TRIOBP: variants seen among roughly 807,000 people sequenced by gnomAD.
TRIOBP encodes the protein TRIO and F-actin binding protein.
In TRIOBP, 169 loss-of-function variants were observed where a neutral mutation model predicts 238.8. The ratio of observed to expected loss-of-function variants is 0.71; its 90% CI spans 0.62 to 0.80. TRIOBP has a LOEUF of 0.80. Among genes scored for constraint, TRIOBP ranks in the 30% least tolerant of loss-of-function variants. The probability of loss-of-function intolerance (pLI) is 0.00; values close to 1 mark genes in which losing one functional copy is unlikely to be tolerated. For missense variants in TRIOBP, 2,838 were observed against 3,122.6 expected, an observed-to-expected ratio of 0.91 and a Z score of 2.17; for synonymous variants, 1,150 against 1,274.4, an observed-to-expected ratio of 0.90 and a Z score of 2.08.
intron 6 of TRIOBP, among the ~76,000 whole-genome samples, chr22:37,722,040 G>T (rs554578245): frequency 1.9e-4 from 29 of 152,254 alleles, no homozygotes; most frequent in African/African-American, 7.0e-4. Flanking sequence ...AGACAGTTTT[G>T]TTAAATGCAG....
In TRIOBP at chr22:37,749,460, G is replaced by T. The variant is rs146619711; in HGVS notation, c.5323-2312G>T. Among the ~76,000 whole-genome samples, 510 of 152,214 alleles carry T rather than the reference G, an allele frequency of 3.4e-3. 1 individual carries two copies. Among genetic ancestry groups the T allele is most frequent in the Middle Eastern group, 6.8e-3 (2 of 294 alleles). On this transcript the variant is annotated intron_variant, in intron 11 of 23. Coordinates refer to ENST00000644935, the MANE Select transcript of TRIOBP (RefSeq NM_001039141.3). ...GCCCGAGGGTGTGTAGAGGGGTTGT[G>T]TGCCTGGCCAGGTAGGAGGCGGGGC... is the stretch of plus-strand genomic sequence containing the variant.
chr22:37,740,599 G>A (rs1924885418), intron 10 of TRIOBP, among the ~76,000 whole-genome samples: 1 of 152,240 alleles, frequency 6.6e-6, no homozygotes, highest in South Asian at 2.1e-4. Context: ...AAAACACTAT[G>A]TGGGCAGAAA....
At chr22:37,723,151 C>T (rs1415803678) in intron 6 of TRIOBP, 34 bp from the exon 7 acceptor site, 1 of 1,610,526 alleles carries the variant, frequency 6.2e-7, no homozygotes, top group African/African-American at 1.3e-5. Context: ...CTGGACCTCT[C>T]CCCTTACCTT....
At chr22:37,726,596 A>C in intron 7 of TRIOBP, 93 bp downstream of exon 7, 1 of 1,280,236 alleles carries the variant, frequency 7.8e-7, no homozygotes, top group Non-Finnish European at 1.0e-6. Context: ...AAAGTGTTCA[A>C]ATCCCCCTGG....
Position 37,754,858 on chromosome 22 carries a change from C to T in TRIOBP, c.5380-19C>T. 2 of 1,612,234 alleles carry T rather than the reference C, an allele frequency of 1.2e-6. No individual in the cohort carries two copies. Among genetic ancestry groups the T allele is most frequent in the Non-Finnish European group, 1.7e-6 (2 of 1,178,354 alleles). ...GTACAATCACACACACTGGCTCTTT[C>T]ATTCCATCCTCCTTGCAGCCTCCCT... On this transcript the variant is annotated intron_variant, in intron 12 of 23. Coordinates refer to ENST00000644935, the MANE Select transcript of TRIOBP (RefSeq NM_001039141.3).
chr22:37,760,266 T>C (rs1926177898), intron 17 of TRIOBP: 1 of 152,296 alleles, frequency 6.6e-6, no homozygotes, highest in African/African-American at 2.4e-5. Context: ...AAGTTTAATC[T>C]GCATTATTAG....
At chr22:37,726,880 A>C (rs1924196268) in intron 7 of TRIOBP, among the ~76,000 whole-genome samples, 2 of 151,932 alleles carry the variant, frequency 1.3e-5, no homozygotes, top group South Asian at 4.1e-4. Flanking sequence ...CATTCAAATA[A>C]GGGTGAACTG....
intron 6 of TRIOBP, among the ~76,000 whole-genome samples, chr22:37,722,823 G>T (rs939106544): frequency 1.3e-5 from 2 of 152,194 alleles, no homozygotes; most frequent in Non-Finnish European, 2.9e-5. Flanking sequence ...CTGCTGTTGG[G>T]CCCACCTCTC....
At chr22:37,711,589 A>G (rs1438326676) in intron 4 of TRIOBP, among the ~76,000 whole-genome samples, 1 of 50,002 alleles carries the variant, frequency 2.0e-5, no homozygotes, top group Non-Finnish European at 6.5e-5. Flanking sequence ...AAAAAAAAAA[A>G]AAACAACAAA....
At chr22:37,708,421 G>A (rs1601619687) in intron 3 of TRIOBP, among the ~76,000 whole-genome samples, 2 of 152,202 alleles carry the variant, frequency 1.3e-5, no homozygotes, top group South Asian at 4.2e-4. Flanking sequence ...CATGGTGTCG[G>A]GCACCTGTAA....
chr22:37,758,796 G>A (rs1926087372), intron 16 of TRIOBP, among the ~76,000 whole-genome samples: 1 of 152,308 alleles, frequency 6.6e-6, no homozygotes, highest in Non-Finnish European at 1.5e-5. Flanking sequence ...TACCCCTAGG[G>A]TGGACTTCAG....
At position 37,700,452 on chromosome 22, in the gene TRIOBP, T is replaced by C. The variant is rs78844442; in HGVS notation, c.-60-854T>C. 3.0e-4 allele frequency among the ~76,000 whole-genome samples: 44 copies of C among 146,530 alleles called. No individual in the cohort carries two copies. The East Asian group carries it at 7.2e-3, about 24-fold the overall frequency. ...ACCATCTTACCCAGCTGAAATCTGC[T>C]TTTTTTTTTTCTCAGTGCAGTGGCA... On this transcript the variant is annotated intron_variant, in intron 2 of 23. Coordinates refer to ENST00000644935, the MANE Select transcript of TRIOBP (RefSeq NM_001039141.3).
intron 6 of TRIOBP, among the ~76,000 whole-genome samples, chr22:37,719,272 G>A (rs2145828197): frequency 6.6e-6 from 1 of 152,024 alleles, no homozygotes; most frequent in Non-Finnish European, 1.5e-5. Context: ...GGACAGAGAA[G>A]GAGAGAGGTT....
intron 9 of TRIOBP, among the ~76,000 whole-genome samples, chr22:37,736,818 G>A (rs1022409247): frequency 6.6e-6 from 1 of 151,778 alleles, no homozygotes; most frequent in African/African-American, 2.4e-5. Context: ...GTAGAGATGG[G>A]GTTTCTCCAT....
At chr22:37,767,521 C>G (rs1202897826) in intron 18 of TRIOBP, among the ~76,000 whole-genome samples, 2 of 152,172 alleles carry the variant, frequency 1.3e-5, no homozygotes, top group Non-Finnish European at 2.9e-5. Flanking sequence ...CACACACCTT[C>G]CAATAACCCC....
chr22:37,716,391 C>T (rs1316605696), intron 6 of TRIOBP, among the ~76,000 whole-genome samples: 2 of 151,770 alleles, frequency 1.3e-5, no homozygotes, highest in African/African-American at 4.8e-5. Flanking sequence ...GGATTACAGG[C>T]GTGATTACAG....
chr22:37,701,869 T>C (rs1922667742), intron 3 of TRIOBP, among the ~76,000 whole-genome samples: 1 of 152,206 alleles, frequency 6.6e-6, no homozygotes, highest in African/African-American at 2.4e-5. Context: ...GGCTCACGCC[T>C]GTAATCCCAG....
In TRIOBP at chr22:37,769,088, G is replaced by A; in HGVS notation, c.6636G>A (p.Lys2212=). The A allele has an allele frequency of 6.2e-7, 1 of 1,613,580 alleles. No individual in the cohort carries two copies. The highest frequency in any genetic ancestry group is 1.1e-5 in the South Asian group (1 of 91,084). ...LQVLSEQYSQ[K]CLEIGALMRQ... is the part of the protein sequence containing the mutation. ...TGCTATCGGAGCAGTACTCGCAGAA[G>A]TGCCTGGAGATTGGGGCACTCATGC... is the stretch of plus-strand genomic sequence containing the variant. Residue 2212 remains lysine (K), a synonymous_variant, in exon 20 of 24, where the codon AAG becomes AAA. Transcript: ENST00000644935.
intron 2 of TRIOBP, among the ~76,000 whole-genome samples, chr22:37,698,937 C>G (rs933927147): frequency 9.2e-5 from 14 of 152,050 alleles, no homozygotes; most frequent in Non-Finnish European, 2.9e-5. Flanking sequence ...CACCTGAGGT[C>G]AGGAGTTCAC....
Sources: allele counts gnomAD v4.1 joint callset (sites outside exome capture counted in the v4.1 genomes callset), GRCh38; gene constraint gnomAD v4.1.1; transcripts MANE v1.5; gene names NCBI Gene and HGNC (gene_info 2026-07-23, HGNC 2026-07-21).